EPHA5: variants seen among roughly 807,000 people sequenced by gnomAD.
The protein encoded by EPHA5 is EPH receptor A5.
In EPHA5, 60 loss-of-function variants were observed where a neutral mutation model predicts 105.0. That is an observed-to-expected ratio of 0.57 (90% CI 0.46 to 0.71). The LOEUF (loss-of-function observed/expected upper bound fraction) is 0.71, where lower values mean the gene tolerates loss of function less well. EPHA5 is among the 30% of genes least tolerant of loss of function. The probability of loss-of-function intolerance (pLI) is 0.00; values close to 1 mark genes in which losing one functional copy is unlikely to be tolerated. For missense variants in EPHA5, 1,218 were observed against 1,274.7 expected, an observed-to-expected ratio of 0.96 and a Z score of 0.68; for synonymous variants, 513 against 449.1, an observed-to-expected ratio of 1.14 and a Z score of -1.80.
At chr4:65,394,679 A>G (rs1166839028) in intron 8 of EPHA5, among the ~76,000 whole-genome samples, 1 of 152,184 alleles carries the variant, frequency 6.6e-6, no homozygotes, top group Admixed American at 6.5e-5. Context: ...GAATTAAGGC[A>G]GGACCATTCT....
At chr4:65,566,638 G>C (rs376912016) in intron 3 of EPHA5, among the ~76,000 whole-genome samples, 1 of 151,676 alleles carries the variant, frequency 6.6e-6, no homozygotes, top group Non-Finnish European at 1.5e-5. Flanking sequence ...GGCACTGAGC[G>C]TATGAGCTTT....
chr4:65,636,562 T>C (rs909660398), intron 2 of EPHA5, among the ~76,000 whole-genome samples: 2 of 152,220 alleles, frequency 1.3e-5, no homozygotes, highest in African/African-American at 4.8e-5. Flanking sequence ...TGTCCCTTTG[T>C]GCATTGTCAT....
chr4:65,356,593 T>C (rs186811960), intron 11 of EPHA5, among the ~76,000 whole-genome samples: 27 of 151,596 alleles, frequency 1.8e-4, no homozygotes, highest in Non-Finnish European at 3.5e-4. Context: ...TAGGTTGTGA[T>C]GTGAAAAGCA....
intron 2 of EPHA5, among the ~76,000 whole-genome samples, chr4:65,628,783 T>C (rs1746373605): frequency 1.3e-5 from 2 of 152,186 alleles, no homozygotes; most frequent in Admixed American, 1.3e-4. Context: ...GAATAATTTA[T>C]AAGCACAGCA....
At chr4:65,377,230 C>G (rs1229854583) in intron 8 of EPHA5, among the ~76,000 whole-genome samples, 3 of 151,936 alleles carry the variant, frequency 2.0e-5, no homozygotes, top group Non-Finnish European at 4.4e-5. Context: ...AATTAAGAAG[C>G]ATTTTATGGA....
chr4:65,646,448 G>T (rs1447286360), intron 1 of EPHA5, among the ~76,000 whole-genome samples: 2 of 152,096 alleles, frequency 1.3e-5, no homozygotes, highest in African/African-American at 4.8e-5. Flanking sequence ...ACATTTAGGG[G>T]CATTTATCTA....
At chr4:65,389,336 A>T (rs1453233219) in intron 8 of EPHA5, among the ~76,000 whole-genome samples, 1 of 152,108 alleles carries the variant, frequency 6.6e-6, no homozygotes, top group South Asian at 2.1e-4. Flanking sequence ...GGAAAAATTA[A>T]CATTAATATA....
intron 5 of EPHA5, among the ~76,000 whole-genome samples, chr4:65,487,369 T>G (rs1428021978): frequency 1.3e-5 from 2 of 152,182 alleles, no homozygotes; most frequent in East Asian, 3.9e-4. Context: ...AACTCCTATC[T>G]GAAACAAATC....
chr4:65,439,387 T>G (rs1725792262), intron 5 of EPHA5, among the ~76,000 whole-genome samples: 1 of 152,108 alleles, frequency 6.6e-6, no homozygotes, highest in Non-Finnish European at 1.5e-5. Flanking sequence ...CAATCTTTGC[T>G]GAACTAAGTA....
chr4:65,391,858 T>C (rs562600630), intron 8 of EPHA5, among the ~76,000 whole-genome samples: 3 of 152,304 alleles, frequency 2.0e-5, no homozygotes, highest in African/African-American at 7.2e-5. Flanking sequence ...CTAAGTCATT[T>C]GATTCTTTAC....
At chr4:65,527,247 A>G (rs1735322268) in intron 3 of EPHA5, among the ~76,000 whole-genome samples, 1 of 152,110 alleles carries the variant, frequency 6.6e-6, no homozygotes, top group African/African-American at 2.4e-5. Context: ...ATTAGAAAGA[A>G]CCTATAATAG....
In EPHA5 at chr4:65,320,529, C is replaced by T. The variant is rs1048165656; in HGVS notation, c.*3585G>A. 2 of 229,224 alleles carry T rather than the reference C, an allele frequency of 8.7e-6. No individual in the cohort carries two copies. The highest frequency in any genetic ancestry group is 4.4e-5 in the African/African-American group (2 of 45,036). 14.2% of individuals were successfully genotyped at this position (229,224 alleles called of 1,614,324 possible). ...AATACATCTAATAAATTTCTAACAC[C>T]TGACTCAAATAGTGTTTGCCATCCA... On this transcript the variant is annotated 3_prime_UTR_variant, in exon 17 of 17. Coordinates refer to ENST00000613740, the MANE Select transcript of EPHA5 (RefSeq NM_001281766.3).
chr4:65,516,131 G>A (rs1449286858), intron 3 of EPHA5, among the ~76,000 whole-genome samples: 1 of 152,074 alleles, frequency 6.6e-6, no homozygotes, highest in African/African-American at 2.4e-5. Context: ...TGGGGGTTGA[G>A]GCATCGACCA....
At chr4:65,368,471 T>C (rs939359767) in intron 8 of EPHA5, among the ~76,000 whole-genome samples, 8 of 152,166 alleles carry the variant, frequency 5.3e-5, no homozygotes, top group African/African-American at 1.9e-4. Context: ...CAAAGACTTA[T>C]TCTTGTGTCC....
Position 65,353,058 on chromosome 4 carries a change from A to C in EPHA5, c.2219T>G (p.Leu740Ter). Residue 740 changes from leucine to a stop codon, truncating the protein, a stop_gained, in exon 12 of 17, where the codon TTA (leucine) becomes TGA (stop). Coordinates refer to ENST00000613740, the MANE Select transcript of EPHA5 (RefSeq NM_001281766.3). LOFTEE classifies it high-confidence loss of function. ...IVTEYMENGS[L>*]DTFLKKNDGQ... is the part of the protein sequence containing the mutation. ...CAATCCTACCTTCAAAAATGTATCT[A>C]AAGAGCCATTCTCCATATACTCTGT... 1 of 1,559,310 alleles carries C rather than the reference A, an allele frequency of 6.4e-7. No individual in the cohort carries two copies. The highest frequency in any genetic ancestry group is 1.2e-5 in the South Asian group (1 of 82,086).
chr4:65,496,104 T>G (rs1272128861), intron 3 of EPHA5, among the ~76,000 whole-genome samples: 1 of 152,182 alleles, frequency 6.6e-6, no homozygotes, highest in Non-Finnish European at 1.5e-5. Context: ...TTGACATTTG[T>G]TTTACATTTA....
Position 65,348,110 on chromosome 4 carries a change from T to C in EPHA5, c.2539A>G (p.Met847Val). 1 of 1,613,548 alleles carries C rather than the reference T, an allele frequency of 6.2e-7. No individual in the cohort carries two copies. Among genetic ancestry groups the C allele is most frequent in the Non-Finnish European group, 8.5e-7 (1 of 1,179,724 alleles). ...TCTCCATAAGACACAACTTCCCACA[T>C]TACTATTCCATAACTCCAGACATCA... ...ASDVWSYGIV[M>V]WEVVSYGERP... The change falls in exon 14 of 17, where the codon ATG becomes GTG. Residue 847 changes from methionine (M) to valine (V), a missense_variant. Met to Val is a conservative substitution (Grantham distance 21). Around this residue, in one of 3 missense-constraint regions of EPHA5, gnomAD observed 971 missense variants for 1,013.5 expected, o/e 0.96. Coordinates refer to ENST00000613740, the MANE Select transcript of EPHA5 (RefSeq NM_001281766.3).
At chr4:65,667,580 C>G (rs758824135) in intron 1 of EPHA5, among the ~76,000 whole-genome samples, 7 of 152,046 alleles carry the variant, frequency 4.6e-5, no homozygotes, top group Non-Finnish European at 5.9e-5. Context: ...GTAACAACAG[C>G]CAGGCTGTGT....
intron 1 of EPHA5, among the ~76,000 whole-genome samples, chr4:65,668,539 G>A (rs1010280284): frequency 5.3e-5 from 8 of 152,134 alleles, no homozygotes; most frequent in African/African-American, 1.7e-4. Flanking sequence ...AGCTCAGTCC[G>A]GGTGTGGGAG....
Sources: gnomAD v4.1 joint callset for allele counts (sites outside exome capture counted in the v4.1 genomes callset) on GRCh38, gnomAD v4.1.1 for gene constraint, gnomAD v4.1.1 regional missense constraint, MANE v1.5 for transcripts, NCBI Gene and HGNC (gene_info 2026-07-23, HGNC 2026-07-21) for gene names.